Variants in SLC16A9 observed in about 807,000 individuals in gnomAD.
SLC16A9 encodes the protein monocarboxylate transporter 9.
Under a neutral mutation model 44.3 loss-of-function variants are expected in SLC16A9, and 26 were observed. That is an observed-to-expected ratio of 0.59 (90% confidence interval 0.43 to 0.81). SLC16A9 has a LOEUF of 0.81. SLC16A9 is among the 40% of genes least tolerant of loss of function. The pLI, the probability that SLC16A9 is intolerant of heterozygous loss-of-function variation, is 0.00. For missense variants in SLC16A9, 559 were observed against 595.8 expected, an observed-to-expected ratio of 0.94 and a Z score of 0.64; for synonymous variants, 230 against 225.1, an observed-to-expected ratio of 1.02 and a Z score of -0.19.
chr10:59,659,464 T>C (rs1839424149), intron 4 of SLC16A9, among the ~76,000 whole-genome samples: 1 of 152,150 alleles, frequency 6.6e-6, no homozygotes, highest in Non-Finnish European at 1.5e-5. Context: ...CCTAAATATA[T>C]ATGCACCCAA....
At chr10:59,674,055 A>T (rs117357342) in intron 2 of SLC16A9, among the ~76,000 whole-genome samples, 1 of 152,176 alleles carries the variant, frequency 6.6e-6, no homozygotes, top group South Asian at 2.1e-4. Context: ...CGCAAAGCCA[A>T]ACTTGCGGGG....
chr10:59,700,420 A>G (rs1840496984), intron 1 of SLC16A9, among the ~76,000 whole-genome samples: 1 of 152,120 alleles, frequency 6.6e-6, no homozygotes, highest in African/African-American at 2.4e-5. Flanking sequence ...CCTTATCCCA[A>G]AGACTCCTAG....
intron 1 of SLC16A9, among the ~76,000 whole-genome samples, chr10:59,693,853 G>T (rs1236147126): frequency 1.3e-5 from 2 of 151,488 alleles, no homozygotes; most frequent in Admixed American, 1.3e-4. Flanking sequence ...TCCTGACCTC[G>T]TGATCCGCCT....
chr10:59,655,028 AG>A (rs2132398199), intron 4 of SLC16A9, among the ~76,000 whole-genome samples: 1 of 152,306 alleles, frequency 6.6e-6, no homozygotes, highest in Non-Finnish European at 1.5e-5. Context: ...GTGGTGGCTC[AG>A]GCCTGTAATC....
At chr10:59,687,103 C>A (rs1458462632) in intron 1 of SLC16A9, among the ~76,000 whole-genome samples, 1 of 152,148 alleles carries the variant, frequency 6.6e-6, no homozygotes, top group Non-Finnish European at 1.5e-5. Flanking sequence ...CGGGGTTTCA[C>A]CATGTTGGCC....
chr10:59,684,371 G>C, intron 1 of SLC16A9, 44 bp from the exon 2 acceptor site: 1 of 1,184,656 alleles, frequency 8.4e-7, no homozygotes, highest in South Asian at 1.7e-5. Context: ...TTAGAGTGTG[G>C]TAGGGCACAG....
chr10:59,666,117 G>A (rs951824019), intron 3 of SLC16A9, among the ~76,000 whole-genome samples: 28 of 152,026 alleles, frequency 1.8e-4, no homozygotes, highest in African/African-American at 5.3e-4. Flanking sequence ...CCAACATGGC[G>A]AAACCTCATC....
intron 1 of SLC16A9, among the ~76,000 whole-genome samples, chr10:59,687,290 T>C (rs1251127267): frequency 2.6e-5 from 4 of 152,224 alleles, no homozygotes; most frequent in Admixed American, 2.6e-4. Context: ...GTCTTGTTCT[T>C]AACTTTAGTG....
At chr10:59,684,979 G>T (rs1840101328) in intron 1 of SLC16A9, among the ~76,000 whole-genome samples, 1 of 152,176 alleles carries the variant, frequency 6.6e-6, no homozygotes, top group Non-Finnish European at 1.5e-5. Flanking sequence ...ATTCTCAACA[G>T]CTGGGGCAAG....
At chr10:59,664,443 G>A in intron 3 of SLC16A9, 121 bp from the exon 4 acceptor site, 1 of 553,170 alleles carries the variant, frequency 1.8e-6, no homozygotes, top group Non-Finnish European at 3.1e-6. Flanking sequence ...ACTGTTACAA[G>A]TACAGACTCC....
At chr10:59,696,862 G>T (rs1840395143) in intron 1 of SLC16A9, among the ~76,000 whole-genome samples, 1 of 151,118 alleles carries the variant, frequency 6.6e-6, no homozygotes, top group Non-Finnish European at 1.5e-5. Context: ...GAGCCCCTCC[G>T]CCCAGCAGCC....
rs1839215250 is a variant in SLC16A9, at chr10:59,652,126, A to T, written c.*646T>A. 6.6e-6 allele frequency: 1 copy of T among 152,212 alleles called. No homozygotes were observed. Among genetic ancestry groups the T allele is most frequent in the African/African-American group, 2.4e-5 (1 of 41,444 alleles). The allele number at this position is 152,212 out of a possible 1,614,324, so 9.4% of individuals were successfully genotyped here. On this transcript the variant is annotated 3_prime_UTR_variant, in exon 6 of 6. Coordinates refer to ENST00000395348, the MANE Select transcript of SLC16A9 (RefSeq NM_194298.3). ...CTCAGCAAATACCTTAGGAACTGAA[A>T]CAGTTGCTCAGTGGGTACCAAACAA...
intron 4 of SLC16A9, among the ~76,000 whole-genome samples, chr10:59,663,894 T>C (rs921891281): frequency 2.0e-5 from 3 of 152,026 alleles, no homozygotes; most frequent in Non-Finnish European, 2.9e-5. Context: ...TTTAAGTTTC[T>C]AAAAGTGCTT....
chr10:59,687,157 A>T (rs892344492), intron 1 of SLC16A9, among the ~76,000 whole-genome samples: 20 of 152,184 alleles, frequency 1.3e-4, no homozygotes, highest in African/African-American at 4.6e-4. Context: ...CACCCATCTC[A>T]GCCTCCCAAA....
At chr10:59,699,512 A>T (rs1588997807) in intron 1 of SLC16A9, among the ~76,000 whole-genome samples, 1 of 152,220 alleles carries the variant, frequency 6.6e-6, no homozygotes, top group Non-Finnish European at 1.5e-5. Context: ...GTACCAGCCA[A>T]GAGTGTGACC....
intron 2 of SLC16A9, among the ~76,000 whole-genome samples, chr10:59,681,470 A>G (rs202040422): frequency 2.9e-4 from 3 of 10,306 alleles, no homozygotes; most frequent in African/African-American, 9.8e-4. Context: ...ATGTGTATGT[A>G]TATGTATATG....
intron 1 of SLC16A9, among the ~76,000 whole-genome samples, chr10:59,697,744 A>T (rs939482241): frequency 6.7e-6 from 1 of 148,232 alleles, no homozygotes; most frequent in Non-Finnish European, 1.5e-5. Flanking sequence ...AAAATAAAAT[A>T]AAAAATAAAT....
intron 1 of SLC16A9, among the ~76,000 whole-genome samples, chr10:59,692,972 A>G (rs921637486): frequency 1.6e-4 from 24 of 152,232 alleles, no homozygotes; most frequent in Non-Finnish European, 3.4e-4. Flanking sequence ...ATACAAATTA[A>G]TTACATTTCA....
In SLC16A9 at chr10:59,653,706, T is replaced by G; in HGVS notation, c.1320A>C (p.Gly440=). The stretch of plus-strand genomic sequence containing the variant: ...TGGGTGGTCCTAGGCTATTTCCAAG[T>G]CCAGCAAAGAACATTAATATCCCAT... ...HAYGILMFFA[G]LGNSLGPPIV... is the part of the protein sequence containing the mutation. Residue 440 remains glycine, a synonymous_variant, in exon 5 of 6, where the codon GGA becomes GGC. Transcript: ENST00000395348. 6.2e-7 allele frequency: 1 copy of G among 1,613,778 alleles called. No homozygotes were observed. Among genetic ancestry groups the G allele is most frequent in the Non-Finnish European group, 8.5e-7 (1 of 1,179,864 alleles).
Sources: allele counts gnomAD v4.1 joint callset (sites outside exome capture counted in the v4.1 genomes callset), GRCh38; gene constraint gnomAD v4.1.1; transcripts MANE v1.5; gene names NCBI Gene and HGNC (gene_info 2026-07-23, HGNC 2026-07-21).